Variants in MB21D2 observed in about 807,000 individuals in gnomAD.
MB21D2 encodes nucleotidyltransferase MB21D2.
Under a neutral mutation model 33.3 loss-of-function variants are expected in MB21D2, and 9 were observed. The observed-to-expected ratio is 0.27, with a 90% CI of 0.16 to 0.47. The LOEUF (loss-of-function observed/expected upper bound fraction) is 0.47. MB21D2 is among the 20% of genes least tolerant of loss of function. The probability of loss-of-function intolerance (pLI) is 0.99; values close to 1 mark genes in which losing one functional copy is unlikely to be tolerated. For missense variants in MB21D2, 540 were observed against 624.6 expected, an observed-to-expected ratio of 0.86 and a Z score of 1.44; for synonymous variants, 241 against 236.3, an observed-to-expected ratio of 1.02 and a Z score of -0.18.
At chr3:192,819,666 G>A (rs887213217) in intron 1 of MB21D2, among the ~76,000 whole-genome samples, 1 of 152,174 alleles carries the variant, frequency 6.6e-6, no homozygotes, top group African/African-American at 2.4e-5. Context: ...CCCCTCAGCA[G>A]AAAAATAAAT....
chr3:192,862,576 T>C (rs1713071786), intron 1 of MB21D2, among the ~76,000 whole-genome samples: 1 of 152,146 alleles, frequency 6.6e-6, no homozygotes, highest in South Asian at 2.1e-4. Context: ...GTCAGTTGAA[T>C]TGTGTCCTGC....
At chr3:192,800,409 G>A (rs925814346) in intron 1 of MB21D2, among the ~76,000 whole-genome samples, 1 of 152,086 alleles carries the variant, frequency 6.6e-6, no homozygotes, top group African/African-American at 2.4e-5. Context: ...TGTTGCCATT[G>A]TACTAATGGC....
intron 1 of MB21D2, among the ~76,000 whole-genome samples, chr3:192,845,200 C>T (rs1479924715): frequency 6.6e-6 from 1 of 152,168 alleles, no homozygotes. Context: ...GGCACATGTT[C>T]CTCAAATGAC....
chr3:192,810,202 A>G (rs909906614), intron 1 of MB21D2, among the ~76,000 whole-genome samples: 6 of 152,204 alleles, frequency 3.9e-5, no homozygotes, highest in Non-Finnish European at 8.8e-5. Flanking sequence ...GTACACTGGG[A>G]CATGAAGAAA....
intron 1 of MB21D2, among the ~76,000 whole-genome samples, chr3:192,861,733 G>A (rs1466589527): frequency 6.6e-6 from 1 of 152,164 alleles, no homozygotes; most frequent in Non-Finnish European, 1.5e-5. Flanking sequence ...GAACCCGGGA[G>A]GTGGAGGTTT....
intron 1 of MB21D2, among the ~76,000 whole-genome samples, chr3:192,827,642 A>C (rs1712205853): frequency 1.3e-5 from 2 of 152,100 alleles, no homozygotes; most frequent in Non-Finnish European, 2.9e-5. Flanking sequence ...AACTAAAACC[A>C]GGTCTCGCTC....
intron 1 of MB21D2, among the ~76,000 whole-genome samples, chr3:192,906,102 A>T (rs1246611065): frequency 6.6e-6 from 1 of 152,242 alleles, no homozygotes; most frequent in African/African-American, 2.4e-5. Context: ...ATAGAGGCTT[A>T]TCAGCATCAT....
chr3:192,889,772 C>T (rs917976899), intron 1 of MB21D2, among the ~76,000 whole-genome samples: 5 of 152,034 alleles, frequency 3.3e-5, no homozygotes, highest in Admixed American at 6.5e-5. Context: ...ATTTCTAAAG[C>T]GTGCAACATA....
intron 1 of MB21D2, among the ~76,000 whole-genome samples, chr3:192,904,919 A>G (rs948323900): frequency 6.6e-6 from 1 of 152,172 alleles, no homozygotes; most frequent in Non-Finnish European, 1.5e-5. Flanking sequence ...ACCTAGGTGG[A>G]CCATCTTTCT....
chr3:192,881,547 C>A (rs6444670), intron 1 of MB21D2, among the ~76,000 whole-genome samples: 105,668 of 152,092 alleles, frequency 0.69, 38,222 homozygotes, highest in African/African-American at 0.91. Context: ...CTGTACTGAC[C>A]GCTACGAAGT....
At chr3:192,909,767 C>T (rs1714298832) in intron 1 of MB21D2, among the ~76,000 whole-genome samples, 1 of 151,136 alleles carries the variant, frequency 6.6e-6, no homozygotes, top group Admixed American at 6.6e-5. Context: ...CCCATCTCTA[C>T]TAAAAATACA....
In MB21D2 at chr3:192,890,933, C is replaced by A. The variant is rs954829048; in HGVS notation, c.211+26697G>T. On this transcript the variant is annotated intron_variant, in intron 1 of 1. Coordinates refer to ENST00000392452, the MANE Select transcript of MB21D2 (RefSeq NM_178496.4). ...ACTCATAAAAACTCAGTTTATCCTG[C>A]GTGGGGGAAGAAATGATAGCAACAT... Among the ~76,000 whole-genome samples the A allele has an allele frequency of 1.9e-4, 29 of 151,936 alleles. 1 individual carries two copies. Among genetic ancestry groups the A allele is most frequent in the African/African-American group, 6.5e-4 (27 of 41,272 alleles).
intron 1 of MB21D2, among the ~76,000 whole-genome samples, chr3:192,808,639 T>G (rs560630239): frequency 6.6e-6 from 1 of 152,314 alleles, no homozygotes; most frequent in South Asian, 2.1e-4. Flanking sequence ...AGTATAGATG[T>G]CTTCCGAGGT....
At chr3:192,810,437 G>A (rs1326899005) in intron 1 of MB21D2, among the ~76,000 whole-genome samples, 1 of 145,520 alleles carries the variant, frequency 6.9e-6, no homozygotes, top group Admixed American at 6.9e-5. Context: ...TATCGAATTT[G>A]CTAAACTAGC....
intron 1 of MB21D2, among the ~76,000 whole-genome samples, chr3:192,802,390 G>GA (rs1046201865): frequency 9.9e-5 from 15 of 152,200 alleles, no homozygotes; most frequent in African/African-American, 3.6e-4. Flanking sequence ...CAGAGGCTGC[G>GA]TCCTGAGAAA....
chr3:192,900,373 T>C (rs1339822945), intron 1 of MB21D2, among the ~76,000 whole-genome samples: 1 of 151,406 alleles, frequency 6.6e-6, no homozygotes, highest in African/African-American at 2.4e-5. Flanking sequence ...AATCCATCCT[T>C]TACACAGGGA....
At chr3:192,814,862 CCCAAAAA>C (rs1425925187) in intron 1 of MB21D2, among the ~76,000 whole-genome samples, 10,209 of 115,530 alleles carry the variant, frequency 0.088, 1,170 homozygotes, top group African/African-American at 0.28. Flanking sequence ...GAGACTCCAT[CCCAAAAA>C]AAAAAAAAAA....
intron 1 of MB21D2, among the ~76,000 whole-genome samples, chr3:192,814,419 A>G (rs754623904): frequency 6.6e-6 from 1 of 152,170 alleles, no homozygotes; most frequent in African/African-American, 2.4e-5. Context: ...CTATTGTTTG[A>G]GCTTGAAAAT....
rs543879154 is a variant in MB21D2, at chr3:192,799,855, T to C, written c.212-205A>G. Among the ~76,000 whole-genome samples the C allele has an allele frequency of 1.3e-3, 199 of 152,314 alleles. 3 individuals carry two copies. Among genetic ancestry groups the C allele is most frequent in the Non-Finnish European group, 1.1e-3 (78 of 68,026 alleles). ...CCTTTTCCAAATGCAAGAATTATGA[T>C]AGATTTTTCTCTCTCAGTGTGAAAA... On this transcript the variant is annotated intron_variant, in intron 1 of 1. Transcript: ENST00000392452. The surrounding 1 kb of genome is among the most constrained non-coding windows in gnomAD (Gnocchi z 4.1).
Sources: gnomAD v4.1 joint callset for allele counts (sites outside exome capture counted in the v4.1 genomes callset) on GRCh38, gnomAD v4.1.1 for gene constraint, Gnocchi (gnomAD v3.1) non-coding constraint, MANE v1.5 for transcripts, NCBI Gene and HGNC (gene_info 2026-07-23, HGNC 2026-07-21) for gene names.